ASB18: variants seen among roughly 807,000 people sequenced by gnomAD.
ASB18 encodes ankyrin repeat and SOCS box protein 18.
In ASB18, 33 loss-of-function variants were observed where a neutral mutation model predicts 33.4. That is an observed-to-expected ratio of 0.99 (90% CI 0.75 to 1.32). ASB18 has a LOEUF of 1.32. Ranked by LOEUF, ASB18 falls within the 40% of genes most tolerant of loss-of-function variation. The probability of loss-of-function intolerance (pLI) is 0.00; values close to 1 mark genes in which losing one functional copy is unlikely to be tolerated. For missense variants in ASB18, 694 were observed against 655.5 expected (o/e 1.06, Z -0.64); for synonymous variants, 295 against 307.6 (o/e 0.96, Z 0.43).
Position 236,250,062 on chromosome 2 carries a change from C to T in ASB18, c.206-8660G>A, listed in dbSNP as rs1444486527. 1 of 152,140 alleles carries T rather than the reference C, an allele frequency of 6.6e-6. No homozygotes were observed. The highest frequency in any genetic ancestry group is 1.5e-5 in the Non-Finnish European group (1 of 68,028). The allele number at this position is 152,140 out of a possible 1,614,324, so 9.4% of individuals were successfully genotyped here. A position where few individuals can be genotyped will look rare whatever the true frequency, so the allele number is the denominator to read the frequency against. ...TGAGAAGGAGTTTTTGCCTCTGGAT[C>T]AAATGAGATGAAAAGGGTAAAATCC... On this transcript the variant is annotated intron_variant, in intron 1 of 5. Transcript: ENST00000409749. This position sits in a 1 kb window ranked among gnomAD's most constrained non-coding sequence, Gnocchi z 4.1.
At chr2:236,236,768 G>A (rs2060591325) in intron 3 of ASB18, among the ~76,000 whole-genome samples, 1 of 134,770 alleles carries the variant, frequency 7.4e-6, no homozygotes, top group African/African-American at 3.2e-5. Flanking sequence ...GAAGCAGCAA[G>A]GGCGATGCGG....
chr2:236,254,338 A>G lies in ASB18; in HGVS notation c.205+9803T>C, dbSNP rs148059126. ...GCACACGTTTCACCCCTTCACTCCC[A>G]TGGAATCTGCTCTCTATTCTCAGAG... On this transcript the variant is annotated intron_variant, in intron 1 of 5. Coordinates refer to ENST00000409749, the MANE Select transcript of ASB18 (RefSeq NM_212556.4). 3.9e-5 allele frequency among the ~76,000 whole-genome samples: 6 copies of G among 151,962 alleles called. No individual in the cohort carries two copies. The East Asian group carries it at 9.9e-4, about 25-fold the overall frequency.
rs368918587 is a variant in ASB18, at chr2:236,211,701, C to A, written c.1101+2661G>T. Among the ~76,000 whole-genome samples the A allele has an allele frequency of 6.6e-6, 1 of 152,308 alleles. No individual in the cohort carries two copies. The highest frequency in any genetic ancestry group is 1.9e-4 in the East Asian group (1 of 5,166). ...TGATTAGATGCCGTCCCTGGAGGAG[C>A]GATTGCAGGGAGACTGGGTGGAGGA... On this transcript the variant is annotated intron_variant, in intron 4 of 5. Coordinates refer to ENST00000409749, the MANE Select transcript of ASB18 (RefSeq NM_212556.4). The surrounding 1 kb of genome is among the most constrained non-coding windows in gnomAD (Gnocchi z 5.0).
Position 236,237,464 on chromosome 2 carries a change from T to G in ASB18, c.596+225A>C. ...GGGCCGGGAGGTGCCAGGTCTGGGG[T>G]CCCGGGTCAGGGATCTTGGATCTGG... On this transcript the variant is annotated intron_variant, in intron 3 of 5. Coordinates refer to ENST00000409749, the MANE Select transcript of ASB18 (RefSeq NM_212556.4). The surrounding 1 kb of genome is among the most constrained non-coding windows in gnomAD (Gnocchi z 6.2). Among the ~76,000 whole-genome samples, 2 of 144,690 alleles carry G rather than the reference T, an allele frequency of 1.4e-5. No individual in the cohort carries two copies. The highest frequency in any genetic ancestry group is 5.1e-5 in the African/African-American group (2 of 39,434). 94.9% of individuals were successfully genotyped at this position (144,690 alleles called of 152,430 possible).
At chr2:236,207,497 T>C (rs987021068) in intron 4 of ASB18, among the ~76,000 whole-genome samples, 4 of 152,252 alleles carry the variant, frequency 2.6e-5, no homozygotes, top group Non-Finnish European at 5.9e-5. Context: ...TTGTCCTCTT[T>C]TCCCCCATGA....
At chr2:236,240,751 T>G (rs1414191838) in intron 2 of ASB18, among the ~76,000 whole-genome samples, 1 of 152,232 alleles carries the variant, frequency 6.6e-6, no homozygotes, top group Non-Finnish European at 1.5e-5. Flanking sequence ...TCAGGACCTC[T>G]GGTTTCTTCC....
At position 236,234,520 on chromosome 2, in the gene ASB18, A is replaced by G. The variant is rs2060580087; in HGVS notation, c.596+3169T>C. 6.6e-6 allele frequency among the ~76,000 whole-genome samples: 1 copy of G among 152,204 alleles called. No homozygotes were observed. Among genetic ancestry groups the G allele is most frequent in the Non-Finnish European group, 1.5e-5 (1 of 68,040 alleles). The stretch of plus-strand genomic sequence containing the variant: ...CTACTCTTCCTTTCACTCTTTATAT[A>G]ATAGAGTGGCTCCTCACGTCTTCAC... On this transcript the variant is annotated intron_variant, in intron 3 of 5. Transcript: ENST00000409749. This position sits in a 1 kb window ranked among gnomAD's most constrained non-coding sequence, Gnocchi z 4.1.
rs200717235 is a variant in ASB18 at position 236,209,273 on chromosome 2, CTTT to C, written c.1101+5086_1101+5088del. ...GATTTGCAGATGTTTCTAGAATCTGCTTTTTTTTTTTTTTTTTAAGACAAGGTC... is the reference window on the plus strand; with the variant it reads ...GATTTGCAGATGTTTCTAGAATCTGCTTTTTTTTTTTTTTAAGACAAGGTC... On this transcript the variant is annotated intron_variant, in intron 4 of 5. Transcript: ENST00000409749. The surrounding 1 kb of genome is among the most constrained non-coding windows in gnomAD (Gnocchi z 4.4). 0.18 allele frequency among the ~76,000 whole-genome samples: 25,222 copies of C among 139,308 alleles called. 2,078 individuals are homozygous for C. Among genetic ancestry groups the C allele is most frequent in the South Asian group, 0.26 (1,139 of 4,408 alleles). 91.4% of individuals were successfully genotyped at this position (139,308 alleles called of 152,430 possible). A position where few individuals can be genotyped will look rare whatever the true frequency, so the allele number is the denominator to read the frequency against.
Position 236,211,698 on chromosome 2 carries a change from G to A in ASB18, c.1101+2664C>T, listed in dbSNP as rs2060459581. 1.3e-5 allele frequency among the ~76,000 whole-genome samples: 2 copies of A among 152,216 alleles called. No individual in the cohort carries two copies. Among genetic ancestry groups the A allele is most frequent in the South Asian group, 4.1e-4 (2 of 4,830 alleles). On this transcript the variant is annotated intron_variant, in intron 4 of 5. Transcript: ENST00000409749. This position sits in a 1 kb window ranked among gnomAD's most constrained non-coding sequence, Gnocchi z 5.0. ...ACATGATTAGATGCCGTCCCTGGAGGAGCGATTGCAGGGAGACTGGGTGGA... is the reference window on the plus strand; with the variant it reads ...ACATGATTAGATGCCGTCCCTGGAGAAGCGATTGCAGGGAGACTGGGTGGA...
rs1369262617 is a variant in ASB18, at chr2:236,209,806, A to T, written c.1101+4556T>A. 6.6e-6 allele frequency among the ~76,000 whole-genome samples: 1 copy of T among 152,244 alleles called. No homozygotes were observed. Among genetic ancestry groups the T allele is most frequent in the Non-Finnish European group, 1.5e-5 (1 of 68,036 alleles). On this transcript the variant is annotated intron_variant, in intron 4 of 5. Coordinates refer to ENST00000409749, the MANE Select transcript of ASB18 (RefSeq NM_212556.4). This position sits in a 1 kb window ranked among gnomAD's most constrained non-coding sequence, Gnocchi z 4.4. ...CCCTTAAGGCCCTGCCTGGCTGCCT[A>T]GTCTCAACTGGTGCCCCCTAGCTGT...
In ASB18 at chr2:236,214,222, C is replaced by T; in HGVS notation, c.1101+140G>A. The T allele has an allele frequency of 3.4e-6, 3 of 881,864 alleles. No homozygotes were observed. Among genetic ancestry groups the T allele is most frequent in the Non-Finnish European group, 3.3e-6 (2 of 604,162 alleles). The allele number at this position is 881,864 out of a possible 1,614,324, so 54.6% of individuals were successfully genotyped here. ...GCTCTCCCACCCCAGACCGGCAGAG[C>T]AGATTCTGCATTTTCACAAGTCCCC... On this transcript the variant is annotated intron_variant, in intron 4 of 5. Coordinates refer to ENST00000409749, the MANE Select transcript of ASB18 (RefSeq NM_212556.4). This position sits in a 1 kb window ranked among gnomAD's most constrained non-coding sequence, Gnocchi z 6.5.
In ASB18 at chr2:236,220,131, G is replaced by T. The variant is rs183694016; in HGVS notation, c.597-5265C>A. On this transcript the variant is annotated intron_variant, in intron 3 of 5. Coordinates refer to ENST00000409749, the MANE Select transcript of ASB18 (RefSeq NM_212556.4). The surrounding 1 kb of genome is among the most constrained non-coding windows in gnomAD (Gnocchi z 5.1). ...GAGTTAATAGAGATGAACCCATCAA[G>T]GACTGTTGAATCAATGTCATTCCAA... Among the ~76,000 whole-genome samples the T allele has an allele frequency of 1.3e-5, 2 of 152,192 alleles. No homozygotes were observed. The highest frequency in any genetic ancestry group is 4.8e-5 in the African/African-American group (2 of 41,448).
rs1374173885 is a variant in ASB18 at position 236,229,431 on chromosome 2, T to C, written c.596+8258A>G. 6.6e-6 allele frequency among the ~76,000 whole-genome samples: 1 copy of C among 151,824 alleles called. No individual in the cohort carries two copies. The highest frequency in any genetic ancestry group is 6.6e-5 in the Admixed American group (1 of 15,220). ...TATAATTGGAGTCCCTGAAGGAGAGTACTGGTTGTATAGAAAAAAAATGTG... is the reference window on the plus strand; with the variant it reads ...TATAATTGGAGTCCCTGAAGGAGAGCACTGGTTGTATAGAAAAAAAATGTG... On this transcript the variant is annotated intron_variant, in intron 3 of 5. Coordinates refer to ENST00000409749, the MANE Select transcript of ASB18 (RefSeq NM_212556.4). The surrounding 1 kb of genome is among the most constrained non-coding windows in gnomAD (Gnocchi z 5.2).
At position 236,245,916 on chromosome 2, in the gene ASB18, C is replaced by T. The variant is rs902471798; in HGVS notation, c.206-4514G>A. Among the ~76,000 whole-genome samples, 5 of 152,190 alleles carry T rather than the reference C, an allele frequency of 3.3e-5. No individual in the cohort carries two copies. Among genetic ancestry groups the T allele is most frequent in the Admixed American group, 2.0e-4 (3 of 15,278 alleles). Reference sequence around the variant, plus strand: ...ATTCTTGGCCATCTGTTGCCTTTCACCCTTAGGGAAGAACACCATAACGTG... The same window carrying T: ...ATTCTTGGCCATCTGTTGCCTTTCATCCTTAGGGAAGAACACCATAACGTG... On this transcript the variant is annotated intron_variant, in intron 1 of 5. Transcript: ENST00000409749. This position sits in a 1 kb window ranked among gnomAD's most constrained non-coding sequence, Gnocchi z 4.7.
Position 236,214,411 on chromosome 2 carries a change from G to T in ASB18, c.1052C>A (p.Ala351Glu), listed in dbSNP as rs563760568. The part of the protein sequence containing the change: ...LQASPQRTVQ[A>E]LLNHGSPTVW... ...GGTGGGAGAGCCGTGGTTGAGCAGC[G>T]CCTGCACCGTGCGCTGCGGTGAGGC... The change falls in exon 4 of 6, where the codon GCG becomes GAG. Residue 351 changes from alanine to glutamate, a missense_variant. Ala to Glu is a moderately radical substitution (Grantham distance 107, BLOSUM62 -1). Coordinates refer to ENST00000409749, the MANE Select transcript of ASB18 (RefSeq NM_212556.4). The surrounding 1 kb of genome is among the most constrained non-coding windows in gnomAD (Gnocchi z 6.5). 3.8e-6 allele frequency: 6 copies of T among 1,571,024 alleles called. No homozygotes were observed. In the African/African-American group the frequency reaches 4.1e-5, roughly 11 times the overall value.
chr2:236,194,068 T>TATGAATGAATGAATGA lies in ASB18; in HGVS notation c.*788_*803dup, dbSNP rs148040196. Among the ~76,000 whole-genome samples, 487 of 151,834 alleles carry TATGAATGAATGAATGA rather than the reference T, an allele frequency of 3.2e-3. 4 individuals carry two copies. The highest frequency in any genetic ancestry group is 0.011 in the African/African-American group (464 of 41,164). ...CTGAACTAGAATAAGCACATTAGAA[T>TATGAATGAATGAATGA]ATGAATGAATGAATGAATGAATGAA... On this transcript the variant is annotated 3_prime_UTR_variant, in exon 6 of 6. Transcript: ENST00000409749. The surrounding 1 kb of genome is among the most constrained non-coding windows in gnomAD (Gnocchi z 4.5).
Position 236,263,956 on chromosome 2 carries a change from A to G in ASB18, c.205+185T>C, listed in dbSNP as rs190026616. Among the ~76,000 whole-genome samples, 171 of 152,292 alleles carry G rather than the reference A, an allele frequency of 1.1e-3. No homozygotes were observed. The highest frequency in any genetic ancestry group is 4.0e-3 in the African/African-American group (165 of 41,546). ...TTGTGTTGTGTTGCACTTGTTGCTTATGTCGCACACGCATGTACATGGTCT... is the reference window on the plus strand; with the variant it reads ...TTGTGTTGTGTTGCACTTGTTGCTTGTGTCGCACACGCATGTACATGGTCT... On this transcript the variant is annotated intron_variant, in intron 1 of 5. Transcript: ENST00000409749. The surrounding 1 kb of genome is among the most constrained non-coding windows in gnomAD (Gnocchi z 4.0).
In ASB18 at chr2:236,220,889, C is replaced by A. The variant is rs1052822499; in HGVS notation, c.597-6023G>T. Among the ~76,000 whole-genome samples the A allele has an allele frequency of 5.9e-5, 9 of 152,166 alleles. No individual in the cohort carries two copies. Among genetic ancestry groups the A allele is most frequent in the Admixed American group, 3.3e-4 (5 of 15,278 alleles). On this transcript the variant is annotated intron_variant, in intron 3 of 5. Transcript: ENST00000409749. This position sits in a 1 kb window ranked among gnomAD's most constrained non-coding sequence, Gnocchi z 5.1. ...TTTCGAGGTAAGGAGAAGTGTTTCT[C>A]CTCTTATCACTCCACAGGAATTCCT...
Position 236,214,354 on chromosome 2 carries a change from T to A in ASB18, c.1101+8A>T. The A allele has an allele frequency of 6.4e-7, 1 of 1,569,300 alleles. No individual in the cohort carries two copies. Among genetic ancestry groups the A allele is most frequent in the Non-Finnish European group, 8.6e-7 (1 of 1,161,286 alleles). ...GGCACGTGCCAGCCGGGCTGGATCCTGCCTTACCTTGGGGAAGGCGTCGGG... is the reference window on the plus strand; with the variant it reads ...GGCACGTGCCAGCCGGGCTGGATCCAGCCTTACCTTGGGGAAGGCGTCGGG... On this transcript the variant is annotated splice_region_variant and intron_variant, in intron 4 of 5. Coordinates refer to ENST00000409749, the MANE Select transcript of ASB18 (RefSeq NM_212556.4). This position sits in a 1 kb window ranked among gnomAD's most constrained non-coding sequence, Gnocchi z 6.5.
Sources: allele counts gnomAD v4.1 joint callset (sites outside exome capture counted in the v4.1 genomes callset), GRCh38; gene constraint gnomAD v4.1.1; non-coding constraint Gnocchi (gnomAD v3.1); transcripts MANE v1.5; gene names NCBI Gene and HGNC (gene_info 2026-07-23, HGNC 2026-07-21).